FSTL4: variants seen among roughly 807,000 people sequenced by gnomAD.
FSTL4 encodes follistatin like 4.
Under a neutral mutation model 78.2 loss-of-function variants are expected in FSTL4, and 28 were observed. The observed-to-expected ratio is 0.36, with a 90% CI of 0.27 to 0.49. The LOEUF (loss-of-function observed/expected upper bound fraction) is 0.49, where lower values mean the gene tolerates loss of function less well. Ranked by LOEUF, FSTL4 falls within the 20% of genes least tolerant of loss-of-function variation. The pLI is 0.98. For synonymous variants in FSTL4, 422 were observed against 440.5 expected (o/e 0.96, Z 0.53); for missense variants, 922 against 1,084.9 (o/e 0.85, Z 2.11).
chr5:133,769,143 G>T, the FSTL4 span, among the ~76,000 whole-genome samples: 1 of 152,192 alleles, frequency 6.6e-6, no homozygotes, highest in Admixed American at 6.5e-5. Flanking sequence ...GATTCGCCCA[G>T]GTACACATCA....
chr5:133,608,934 A>T (rs1434765968), intron 1 of FSTL4, among the ~76,000 whole-genome samples: 1 of 152,180 alleles, frequency 6.6e-6, no homozygotes, highest in Non-Finnish European at 1.5e-5. Context: ...GCCAGAGAGA[A>T]GCAATCCCAT....
chr5:133,456,164 A>T (rs1044686811), intron 3 of FSTL4, among the ~76,000 whole-genome samples: 2 of 152,198 alleles, frequency 1.3e-5, no homozygotes, highest in Non-Finnish European at 2.9e-5. Flanking sequence ...GGACTCTTGG[A>T]GGAGCTCCTC....
chr5:133,550,961 C>T (rs1386905029), intron 3 of FSTL4, among the ~76,000 whole-genome samples: 1 of 152,196 alleles, frequency 6.6e-6, no homozygotes, highest in African/African-American at 2.4e-5. Flanking sequence ...TGTACACTTA[C>T]GATGCCTGCC....
intron 3 of FSTL4, among the ~76,000 whole-genome samples, chr5:133,491,693 C>T (rs552149591): frequency 3.3e-5 from 5 of 152,194 alleles, no homozygotes; most frequent in East Asian, 1.9e-4. Flanking sequence ...TGAGCCACTG[C>T]GCCTGGCCTA....
At chr5:133,229,480 G>A (rs1194530206) in intron 8 of FSTL4, among the ~76,000 whole-genome samples, 2 of 152,008 alleles carry the variant, frequency 1.3e-5, no homozygotes, top group Non-Finnish European at 2.9e-5. Flanking sequence ...CCTAGATCAT[G>A]CTATTGCACT....
At chr5:133,725,854 T>C in the FSTL4 span, among the ~76,000 whole-genome samples, 2 of 152,184 alleles carry the variant, frequency 1.3e-5, no homozygotes, top group African/African-American at 4.8e-5. Flanking sequence ...TTGTTGAAAC[T>C]AGGGACTCAG....
chr5:133,349,518 TTA>T (rs1342710681), intron 4 of FSTL4, among the ~76,000 whole-genome samples: 10 of 151,582 alleles, frequency 6.6e-5, no homozygotes, highest in African/African-American at 2.4e-4. Context: ...AGGATGGACT[TTA>T]TGTTTGTCAT....
At chr5:133,527,853 C>T (rs888137373) in intron 3 of FSTL4, among the ~76,000 whole-genome samples, 2 of 152,214 alleles carry the variant, frequency 1.3e-5, no homozygotes, top group African/African-American at 4.8e-5. Flanking sequence ...CCCTGATATC[C>T]AGGGGTCAGC....
chr5:133,803,424 A>C, the FSTL4 span, among the ~76,000 whole-genome samples: 1 of 152,056 alleles, frequency 6.6e-6, no homozygotes, highest in African/African-American at 2.4e-5. Context: ...ACTTCAACCC[A>C]ACCCCCAGGG....
intron 11 of FSTL4, among the ~76,000 whole-genome samples, chr5:133,223,079 C>A (rs1367705701): frequency 6.6e-6 from 1 of 152,220 alleles, no homozygotes; most frequent in East Asian, 1.9e-4. Flanking sequence ...GTCTCTACTT[C>A]TGAAACTTGA....
At chr5:133,343,627 C>T (rs1754635949) in intron 4 of FSTL4, among the ~76,000 whole-genome samples, 1 of 152,144 alleles carries the variant, frequency 6.6e-6, no homozygotes, top group African/African-American at 2.4e-5. Flanking sequence ...TTTTTTATAG[C>T]CGGGGGCTGT....
Position 133,612,026 on chromosome 5 carries a change from G to A in FSTL4, c.-11+299C>T, listed in dbSNP as rs1447857169. Among the ~76,000 whole-genome samples the A allele has an allele frequency of 6.6e-6, 1 of 151,892 alleles. No homozygotes were observed. The highest frequency in any genetic ancestry group is 1.5e-5 in the Non-Finnish European group (1 of 67,892). On this transcript the variant is annotated intron_variant, in intron 1 of 15. Transcript: ENST00000265342. The surrounding 1 kb of genome is among the most constrained non-coding windows in gnomAD (Gnocchi z 6.2). The stretch of plus-strand genomic sequence containing the variant: ...TGCGTGGCGCCCCGCGTGCCAACCG[G>A]GTCACTCCGGTCCCCACCGTAGACC...
chr5:133,343,362 C>G lies in FSTL4; in HGVS notation c.410-26710G>C, dbSNP rs373602228. On this transcript the variant is annotated intron_variant, in intron 4 of 15. Coordinates refer to ENST00000265342, the MANE Select transcript of FSTL4 (RefSeq NM_015082.2). ...ACACTCAGCACGGGTGTGGAGACAGCCTGCAGCCAGCATCTGGGCTCCCTG... is the reference window on the plus strand; with the variant it reads ...ACACTCAGCACGGGTGTGGAGACAGGCTGCAGCCAGCATCTGGGCTCCCTG... 7.2e-5 allele frequency among the ~76,000 whole-genome samples: 11 copies of G among 152,292 alleles called. No homozygotes were observed. The East Asian group carries it at 1.9e-3, about 27-fold the overall frequency.
chr5:133,702,538 G>A, the FSTL4 span, among the ~76,000 whole-genome samples: 1 of 152,188 alleles, frequency 6.6e-6, no homozygotes, highest in Non-Finnish European at 1.5e-5. Context: ...AGAGGGGTGA[G>A]TGGGAACAGG....
intron 6 of FSTL4, among the ~76,000 whole-genome samples, chr5:133,253,417 G>A (rs145693716): frequency 2.0e-5 from 3 of 152,354 alleles, no homozygotes; most frequent in East Asian, 3.9e-4. Context: ...GATACAATGA[G>A]GGCTTGGGCC....
chr5:133,246,088 C>A (rs1436487043), intron 7 of FSTL4, among the ~76,000 whole-genome samples: 1 of 152,202 alleles, frequency 6.6e-6, no homozygotes, highest in South Asian at 2.1e-4. Flanking sequence ...AGGAGGCCCA[C>A]GCTCCTTCGT....
chr5:133,662,541 TA>T, the FSTL4 span, among the ~76,000 whole-genome samples: 3 of 152,022 alleles, frequency 2.0e-5, no homozygotes, highest in African/African-American at 7.2e-5. Context: ...AATGTTTTCC[TA>T]AAAAAAATCT....
the FSTL4 span, among the ~76,000 whole-genome samples, chr5:133,774,721 A>G: frequency 1.5e-4 from 23 of 152,306 alleles, no homozygotes; most frequent in African/African-American, 5.5e-4. Context: ...AGATAAAGCT[A>G]TTATCTACCC....
At chr5:133,701,328 A>T in the FSTL4 span, among the ~76,000 whole-genome samples, 1 of 150,500 alleles carries the variant, frequency 6.6e-6, no homozygotes, top group Admixed American at 6.6e-5. Context: ...ACTTGAACCC[A>T]GGAGTCGGAG....
Sources: allele counts gnomAD v4.1 joint callset (sites outside exome capture counted in the v4.1 genomes callset), GRCh38; gene constraint gnomAD v4.1.1; non-coding constraint Gnocchi (gnomAD v3.1); transcripts MANE v1.5; gene names NCBI Gene and HGNC (gene_info 2026-07-23, HGNC 2026-07-21).